The following CACNG2 variants were observed in gnomAD, a reference collection of about 807,000 sequenced individuals.
CACNG2 encodes the protein calcium voltage-gated channel auxiliary subunit gamma 2, also known as voltage-dependent calcium channel gamma-2 subunit.
Under a neutral mutation model 25.9 loss-of-function variants are expected in CACNG2, and 3 were observed. The ratio of observed to expected loss-of-function variants is 0.12; its 90% CI spans 0.05 to 0.30. The LOEUF (loss-of-function observed/expected upper bound fraction) is 0.30, where lower values mean the gene tolerates loss of function less well. Among genes scored for constraint, CACNG2 ranks in the 10% least tolerant of loss-of-function variants. The pLI is 1.00. For missense variants in CACNG2, 341 were observed against 432.5 expected (o/e 0.79, Z 1.88); for synonymous variants, 167 against 173.3 (o/e 0.96, Z 0.29).
At chr22:36,682,413 A>G (rs1937136355) in intron 1 of CACNG2, among the ~76,000 whole-genome samples, 1 of 152,112 alleles carries the variant, frequency 6.6e-6, no homozygotes, top group Non-Finnish European at 1.5e-5. Flanking sequence ...CTCAATAGGT[A>G]GTGTTTTTCT....
intron 1 of CACNG2, among the ~76,000 whole-genome samples, chr22:36,678,784 C>T (rs987939884): frequency 6.6e-6 from 1 of 152,116 alleles, no homozygotes; most frequent in African/African-American, 2.4e-5. Flanking sequence ...CTAAAAACAC[C>T]AAGGACACAG....
chr22:36,647,157 C>T (rs922840557), intron 1 of CACNG2, among the ~76,000 whole-genome samples: 2 of 152,170 alleles, frequency 1.3e-5, no homozygotes, highest in African/African-American at 4.8e-5. Flanking sequence ...AAGCCTTCCG[C>T]TTCTCTCTCT....
At chr22:36,614,875 A>G (rs917140609) in intron 1 of CACNG2, among the ~76,000 whole-genome samples, 4 of 152,204 alleles carry the variant, frequency 2.6e-5, no homozygotes, top group Non-Finnish European at 1.5e-5. Flanking sequence ...ATGTCCGTGG[A>G]CTTACTGCAC....
At position 36,602,076 on chromosome 22, in the gene CACNG2, G is replaced by A. The variant is rs145994142; in HGVS notation, c.212-14528C>T. 3.9e-5 allele frequency among the ~76,000 whole-genome samples: 6 copies of A among 152,208 alleles called. No homozygotes were observed. In the East Asian group the frequency reaches 9.7e-4, roughly 24 times the overall value. Reference sequence around the variant, plus strand: ...TGGCACTTCCCTGAAGATTAGTGACGTTGGACACTTTTCCATTTACCTATT... The same window carrying A: ...TGGCACTTCCCTGAAGATTAGTGACATTGGACACTTTTCCATTTACCTATT... On this transcript the variant is annotated intron_variant, in intron 1 of 3. Transcript: ENST00000300105.
At chr22:36,689,772 G>A (rs1378185893) in intron 1 of CACNG2, among the ~76,000 whole-genome samples, 2 of 152,228 alleles carry the variant, frequency 1.3e-5, no homozygotes, top group African/African-American at 4.8e-5. Context: ...TTCAGTTATT[G>A]AATAAAGCAT....
Position 36,677,054 on chromosome 22 carries a change from C to T in CACNG2, c.211+25312G>A, listed in dbSNP as rs538304160. 1.3e-4 allele frequency among the ~76,000 whole-genome samples: 20 copies of T among 151,924 alleles called. 1 individual carries two copies. The highest frequency in any genetic ancestry group is 4.8e-4 in the African/African-American group (20 of 41,422). ...GTGTCACCTCTACTCTTCTCTGGTTCTAACAATCTTACAGTATCAAACAGC... is the reference window on the plus strand; with the variant it reads ...GTGTCACCTCTACTCTTCTCTGGTTTTAACAATCTTACAGTATCAAACAGC... On this transcript the variant is annotated intron_variant, in intron 1 of 3. Transcript: ENST00000300105.
chr22:36,624,014 G>A (rs1002158900), intron 1 of CACNG2, among the ~76,000 whole-genome samples: 63 of 152,246 alleles, frequency 4.1e-4, no homozygotes, highest in African/African-American at 1.3e-3. Flanking sequence ...AGACTGTACA[G>A]TTCCTAAGCG....
At chr22:36,693,905 T>C (rs1052113298) in intron 1 of CACNG2, among the ~76,000 whole-genome samples, 2 of 152,206 alleles carry the variant, frequency 1.3e-5, no homozygotes, top group South Asian at 2.1e-4. Flanking sequence ...TTCACTGGGG[T>C]ATCTCCTCTA....
intron 1 of CACNG2, among the ~76,000 whole-genome samples, chr22:36,650,903 CTCTAGATA>C: frequency 6.6e-6 from 1 of 152,310 alleles, no homozygotes. Flanking sequence ...AGTCACCTTT[CTCTAGATA>C]TCTGCTATTT....
At chr22:36,636,410 C>T (rs1279929359) in intron 1 of CACNG2, among the ~76,000 whole-genome samples, 2 of 152,202 alleles carry the variant, frequency 1.3e-5, no homozygotes, top group African/African-American at 4.8e-5. Context: ...AGATCAGGTT[C>T]CCCCGGGACC....
At chr22:36,614,443 C>T (rs1000246946) in intron 1 of CACNG2, among the ~76,000 whole-genome samples, 1 of 152,180 alleles carries the variant, frequency 6.6e-6, no homozygotes, top group African/African-American at 2.4e-5. Flanking sequence ...CCATGGCACC[C>T]CGCACTCTTT....
intron 1 of CACNG2, among the ~76,000 whole-genome samples, chr22:36,652,461 C>T (rs1936633629): frequency 6.6e-6 from 1 of 152,134 alleles, no homozygotes; most frequent in Non-Finnish European, 1.5e-5. Flanking sequence ...CATGAAAACC[C>T]TTCTTCCTTT....
intron 1 of CACNG2, among the ~76,000 whole-genome samples, chr22:36,670,397 A>C (rs1936931592): frequency 1.3e-5 from 2 of 152,148 alleles, no homozygotes; most frequent in Admixed American, 1.3e-4. Flanking sequence ...CTTTGGGCTG[A>C]TTGGCTTGTT....
intron 1 of CACNG2, among the ~76,000 whole-genome samples, chr22:36,656,098 G>A (rs931103294): frequency 3.3e-5 from 5 of 152,086 alleles, no homozygotes; most frequent in Non-Finnish European, 5.9e-5. Flanking sequence ...ATGAGTCACC[G>A]CACCTGGCCC....
At chr22:36,570,634 G>A (rs1333885135) in intron 2 of CACNG2, among the ~76,000 whole-genome samples, 3 of 151,958 alleles carry the variant, frequency 2.0e-5, no homozygotes, top group African/African-American at 4.8e-5. Context: ...ATGGTGGTGC[G>A]TGTCAGTAGT....
chr22:36,609,107 G>A (rs1935885244), intron 1 of CACNG2, among the ~76,000 whole-genome samples: 1 of 152,104 alleles, frequency 6.6e-6, no homozygotes, highest in Non-Finnish European at 1.5e-5. Flanking sequence ...GAGTCTAATC[G>A]GCAGGAATCA....
intron 1 of CACNG2, among the ~76,000 whole-genome samples, chr22:36,648,673 T>C (rs1936564458): frequency 6.6e-6 from 1 of 152,188 alleles, no homozygotes; most frequent in South Asian, 2.1e-4. Flanking sequence ...CAAATATTTC[T>C]TTATCTGATT....
At chr22:36,565,843 G>A (rs1260330319) in intron 3 of CACNG2, among the ~76,000 whole-genome samples, 1 of 152,126 alleles carries the variant, frequency 6.6e-6, no homozygotes. Flanking sequence ...TTCTTTTTCT[G>A]GCATCTGAAG....
intron 1 of CACNG2, among the ~76,000 whole-genome samples, chr22:36,678,178 G>A (rs188399548): frequency 6.6e-6 from 1 of 152,184 alleles, no homozygotes; most frequent in Non-Finnish European, 1.5e-5. Context: ...TGATGGAATG[G>A]TTATCTTCCC....
Sources: gnomAD v4.1 joint callset for allele counts (sites outside exome capture counted in the v4.1 genomes callset) on GRCh38, gnomAD v4.1.1 for gene constraint, MANE v1.5 for transcripts, NCBI Gene and HGNC (gene_info 2026-07-23, HGNC 2026-07-21) for gene names.